Variants in ADGB observed in about 807,000 individuals in gnomAD.
ADGB encodes the protein androglobin.
In ADGB, 172 loss-of-function variants were observed where a neutral mutation model predicts 210.5. The observed-to-expected ratio is 0.82, with a 90% CI of 0.72 to 0.93. The LOEUF (loss-of-function observed/expected upper bound fraction) is 0.93. Ranked by LOEUF, ADGB falls within the 40% of genes least tolerant of loss-of-function variation. The probability of loss-of-function intolerance (pLI) is 0.00; values close to 1 mark genes in which losing one functional copy is unlikely to be tolerated. For missense variants in ADGB, 2,025 were observed against 1,964.8 expected (o/e 1.03, Z -0.58); for synonymous variants, 658 against 662.7 (o/e 0.99, Z 0.11).
intron 35 of ADGB, chr6:146,802,418 G>T (rs1778148555): frequency 1.1e-5 from 2 of 177,904 alleles, no homozygotes; most frequent in African/African-American, 4.8e-5. Context: ...GATTGGTCTT[G>T]GTGGTTCCTA....
chr6:146,798,458 G>A (rs938704146), intron 33 of ADGB, among the ~76,000 whole-genome samples: 9 of 152,002 alleles, frequency 5.9e-5, no homozygotes, highest in Non-Finnish European at 1.3e-4. Context: ...AAAAACCTAC[G>A]GTAAACATCA....
rs140542815 is a variant in ADGB, at chr6:146,772,928, G to A, written c.3862+3797G>A. Among the ~76,000 whole-genome samples the A allele has an allele frequency of 3.5e-3, 539 of 152,226 alleles. 7 individuals carry two copies. The highest frequency in any genetic ancestry group is 0.013 in the African/African-American group (521 of 41,542). On this transcript the variant is annotated intron_variant, in intron 29 of 35. Transcript: ENST00000397944. ...AAGTAGAAGTAGCGGGAAGGAGAAT[G>A]TGTCTCAGGCTATACGCAGGAGCCA...
At chr6:146,694,868 G>A (rs1179589088) in intron 12 of ADGB, among the ~76,000 whole-genome samples, 2 of 152,120 alleles carry the variant, frequency 1.3e-5, no homozygotes, top group Non-Finnish European at 2.9e-5. Context: ...TTAGCCTTCT[G>A]TCACTTGGAC....
chr6:146,670,344 A>G (rs986664585), intron 7 of ADGB, among the ~76,000 whole-genome samples: 4 of 152,176 alleles, frequency 2.6e-5, no homozygotes, highest in Non-Finnish European at 4.4e-5. Context: ...TGACCTCATC[A>G]CTGACCACAT....
At chr6:146,805,389 C>A (rs1778196076) in intron 35 of ADGB, among the ~76,000 whole-genome samples, 1 of 152,116 alleles carries the variant, frequency 6.6e-6, no homozygotes, top group Non-Finnish European at 1.5e-5. Context: ...TACAGCAGCC[C>A]CAGCAAGCTA....
intron 12 of ADGB, among the ~76,000 whole-genome samples, chr6:146,693,545 C>G (rs570875700): frequency 6.6e-6 from 1 of 152,056 alleles, no homozygotes; most frequent in Non-Finnish European, 1.5e-5. Context: ...TACGGCAGCC[C>G]GAGCAAACAA....
At chr6:146,780,632 T>G (rs1777785088) in intron 29 of ADGB, among the ~76,000 whole-genome samples, 1 of 152,036 alleles carries the variant, frequency 6.6e-6, no homozygotes, top group African/African-American at 2.4e-5. Context: ...AAAAGGGTAC[T>G]TCATCAAGCA....
chr6:146,660,237 T>C (rs1775836904), intron 5 of ADGB, among the ~76,000 whole-genome samples: 1 of 152,168 alleles, frequency 6.6e-6, no homozygotes, highest in South Asian at 2.1e-4. Flanking sequence ...TGAGGAACAA[T>C]GTTTGCAAGA....
At chr6:146,663,349 A>C (rs1449606909) in intron 5 of ADGB, among the ~76,000 whole-genome samples, 1 of 151,544 alleles carries the variant, frequency 6.6e-6, no homozygotes, top group Non-Finnish European at 1.5e-5. Flanking sequence ...GTGTGAGATC[A>C]AGGCACTGGT....
At chr6:146,601,345 A>G (rs1391007608) in intron 1 of ADGB, among the ~76,000 whole-genome samples, 1 of 152,240 alleles carries the variant, frequency 6.6e-6, no homozygotes, top group East Asian at 1.9e-4. Flanking sequence ...AGTTATTTTT[A>G]AAAAGCTAAG....
chr6:146,806,865 A>G (rs1363576022), intron 35 of ADGB, among the ~76,000 whole-genome samples: 8 of 152,218 alleles, frequency 5.3e-5, no homozygotes, highest in Non-Finnish European at 8.8e-5. Context: ...GCGGTTAAGC[A>G]AGAATAAGAA....
At chr6:146,611,636 G>A (rs879850968) in intron 1 of ADGB, among the ~76,000 whole-genome samples, 5 of 152,006 alleles carry the variant, frequency 3.3e-5, no homozygotes, top group South Asian at 2.1e-4. Flanking sequence ...TAGGGTCCCC[G>A]GCTTCCACCT....
At chr6:146,633,106 T>G (rs1323526759) in intron 1 of ADGB, among the ~76,000 whole-genome samples, 14 of 152,144 alleles carry the variant, frequency 9.2e-5, no homozygotes, top group Admixed American at 9.2e-4. Context: ...AAGCACAATC[T>G]TATTTATCAG....
At chr6:146,758,473 T>G (rs1777441572) in intron 27 of ADGB, among the ~76,000 whole-genome samples, 1 of 152,026 alleles carries the variant, frequency 6.6e-6, no homozygotes, top group Non-Finnish European at 1.5e-5. Context: ...GTCATCTAGT[T>G]TAATCATTAT....
chr6:146,624,697 AT>A (rs1554220269), intron 1 of ADGB, among the ~76,000 whole-genome samples: 1 of 151,562 alleles, frequency 6.6e-6, no homozygotes, highest in Non-Finnish European at 1.5e-5. Flanking sequence ...TATTATTTTG[AT>A]ACTTGACTAG....
Position 146,701,142 on chromosome 6 carries a change from T to C in ADGB, c.1707+72T>C. The C allele has an allele frequency of 3.5e-6, 5 of 1,444,796 alleles. No individual in the cohort carries two copies. In the South Asian group the frequency reaches 3.8e-5, roughly 11 times the overall value. The allele number at this position is 1,444,796 out of a possible 1,614,324, so 89.5% of individuals were successfully genotyped here. Reference sequence around the variant, plus strand: ...ATTTTTTTCCTTACATTGTGAAACATACTATACATACAAAAGAATGTATAA... The same window carrying C: ...ATTTTTTTCCTTACATTGTGAAACACACTATACATACAAAAGAATGTATAA... On this transcript the variant is annotated intron_variant, in intron 13 of 35. Coordinates refer to ENST00000397944, the MANE Select transcript of ADGB (RefSeq NM_024694.4).
At chr6:146,715,510 A>T (rs1189718955) in intron 14 of ADGB, 95 bp downstream of exon 14, 1 of 813,482 alleles carries the variant, frequency 1.2e-6, no homozygotes, top group Non-Finnish European at 1.8e-6. Context: ...GGCTCTCAGC[A>T]GCCTTTCTTC....
chr6:146,691,453 T>A lies in ADGB; in HGVS notation c.1486+163T>A, dbSNP rs1424194018. On this transcript the variant is annotated intron_variant, in intron 11 of 35. Transcript: ENST00000397944. Reference sequence around the variant, plus strand: ...ATATATATATATATAAAAATATATATATATAAAAATATATATATATATAAA... The same window carrying A: ...ATATATATATATATAAAAATATATAAATATAAAAATATATATATATATAAA... Among the ~76,000 whole-genome samples the A allele has an allele frequency of 4.4e-3, 85 of 19,492 alleles. 9 individuals are homozygous for A. The highest frequency in any genetic ancestry group is 0.031 in the Middle Eastern group (3 of 98). 12.8% of individuals were successfully genotyped at this position (19,492 alleles called of 152,430 possible).
chr6:146,769,362 G>A (rs1228955827), intron 29 of ADGB, among the ~76,000 whole-genome samples: 9 of 152,020 alleles, frequency 5.9e-5, no homozygotes, highest in Admixed American at 6.6e-5. Context: ...TAGATGTAAT[G>A]TAAGCACATT....
Sources: gnomAD v4.1 joint callset for allele counts (sites outside exome capture counted in the v4.1 genomes callset) on GRCh38, gnomAD v4.1.1 for gene constraint, MANE v1.5 for transcripts, NCBI Gene and HGNC (gene_info 2026-07-23, HGNC 2026-07-21) for gene names.